Variants in HNRNPK observed in about 807,000 individuals in gnomAD.
The protein encoded by HNRNPK is dC-stretch binding protein.
In HNRNPK, 7 loss-of-function variants were observed where a neutral mutation model predicts 67.0. The ratio of observed to expected loss-of-function variants is 0.10; its 90% CI spans 0.06 to 0.20. The LOEUF (loss-of-function observed/expected upper bound fraction) is 0.20, where lower values mean the gene tolerates loss of function less well. Among genes scored for constraint, HNRNPK ranks in the 10% least tolerant of loss-of-function variants. HNRNPK has a pLI of 1.00. For synonymous variants in HNRNPK, 213 were observed against 193.7 expected, an observed-to-expected ratio of 1.10 and a Z score of -0.83; for missense variants, 264 against 606.5, an observed-to-expected ratio of 0.44 and a Z score of 5.93.
At position 83,972,370 on chromosome 9, in the gene HNRNPK, A is replaced by G. The variant is rs548604172; in HGVS notation, c.646-181T>C. The G allele has an allele frequency of 3.4e-4, 196 of 575,854 alleles. 1 individual carries two copies. Among genetic ancestry groups the G allele is most frequent in the Non-Finnish European group, 5.4e-4 (180 of 330,924 alleles). The allele number at this position is 575,854 out of a possible 1,614,324, so 35.7% of individuals were successfully genotyped here. On this transcript the variant is annotated intron_variant, in intron 10 of 16. Transcript: ENST00000376263. ...AAAGTAAAGATTCCAAAGAAATCCA[A>G]TACTTTTGGCAAATGCTAAACAAAA...
chr9:83,972,002 C>T lies in HNRNPK; in HGVS notation c.833G>A (p.Arg278Lys). ...RGGRPMPPSR[R>K]DYDDMSPRRG... ...ACGAGGGCTCATATCATCATAATCT[C>T]TTCTAGATGGAGGCATGGGACGCCC... Residue 278 changes from arginine to lysine, a missense_variant, in exon 11 of 17, where the codon AGA becomes AAA. Transcript: ENST00000376263. 3 of 1,613,848 alleles carry T rather than the reference C, an allele frequency of 1.9e-6. No individual in the cohort carries two copies. Among genetic ancestry groups the T allele is most frequent in the Non-Finnish European group, 2.5e-6 (3 of 1,179,854 alleles).
At chr9:83,980,362 T>C (rs1000539971), upstream of HNRNPK, 1 of 152,460 alleles carries the variant, frequency 6.6e-6, no homozygotes, top group East Asian at 1.9e-4. Flanking sequence ...CAACCCCGCC[T>C]CCCGCCAGCG....
chr9:83,973,766 G>A (rs1202644191), intron 8 of HNRNPK, 136 bp downstream of exon 8: 2 of 657,060 alleles, frequency 3.0e-6, no homozygotes, highest in East Asian at 2.8e-5. Context: ...TCAACAGTGA[G>A]TTGTAAGACC....
rs1470907928 is a variant in HNRNPK at position 83,978,049 on chromosome 9, G to A, written c.58+146C>T. 4.8e-6 allele frequency: 3 copies of A among 624,706 alleles called. No individual in the cohort carries two copies. The South Asian group carries it at 6.1e-5, about 13-fold the overall frequency. 38.7% of individuals were successfully genotyped at this position (624,706 alleles called of 1,614,324 possible). On this transcript the variant is annotated intron_variant, in intron 3 of 16. Transcript: ENST00000376263. ...AGTTACTTCTACTTCATAAATAAAA[G>A]CTAAGATGTAACTACTGATAATCGC...
intron 5 of HNRNPK, 88 bp from the exon 6 acceptor site, chr9:83,975,593 G>T: frequency 8.4e-7 from 1 of 1,189,962 alleles, no homozygotes; most frequent in South Asian, 1.2e-5. Flanking sequence ...GTTTGGCAAC[G>T]AGCACATTTT....
chr9:83,978,057 G>T (rs775063939), intron 3 of HNRNPK, 138 bp downstream of exon 3: 2 of 636,514 alleles, frequency 3.1e-6, no homozygotes, highest in Non-Finnish European at 2.8e-6. Context: ...AAGCTAAGAT[G>T]TAACTACTGA....
At chr9:83,978,942 G>A (rs887598674) in intron 1 of HNRNPK, among the ~76,000 whole-genome samples, 3 of 152,050 alleles carry the variant, frequency 2.0e-5, no homozygotes, top group African/African-American at 4.8e-5. Flanking sequence ...TCTACCGGAG[G>A]GATAAATCCA....
At chr9:83,976,727 A>G (rs1028462273) in intron 5 of HNRNPK, 2 of 314,168 alleles carry the variant, frequency 6.4e-6, no homozygotes, top group East Asian at 5.1e-5. Flanking sequence ...TCTAATTAAG[A>G]TGTTATCTTG....
At position 83,978,227 on chromosome 9, in the gene HNRNPK, G is replaced by A. The variant is rs1375080813; in HGVS notation, c.26C>T (p.Thr9Ile). 2.5e-6 allele frequency: 4 copies of A among 1,611,560 alleles called. No homozygotes were observed. Among genetic ancestry groups the A allele is most frequent in the Non-Finnish European group, 2.5e-6 (3 of 1,178,546 alleles). Residue 9 changes from threonine to isoleucine, a missense_variant, in exon 3 of 17, where the codon ACC (threonine) becomes ATC (isoleucine). Thr to Ile is a moderately conservative substitution (Grantham distance 89). This residue lies in a region of HNRNPK where 32 missense variants were observed against 45.6 expected (regional missense o/e 0.70). Transcript: ENST00000376263. ...ACCATTGGTTTCAGTGTTAGGGAAG[G>A]TTTCTTCTGGCTGTTCAGTTTCCAT... METEQPEE[T>I]FPNTETNGEF...
Position 83,970,007 on chromosome 9 carries a change from A to G in HNRNPK, c.1361+155T>C, listed in dbSNP as rs1314748051. The G allele has an allele frequency of 1.1e-5, 7 of 660,728 alleles. No homozygotes were observed. In the East Asian group the frequency reaches 1.1e-4, roughly 10 times the overall value. 40.9% of individuals were successfully genotyped at this position (660,728 alleles called of 1,614,324 possible). ...GTCTTCATTTTTAGTAAGAAAGCAG[A>G]AGAAAAATTAAGGCAAACTATTAGA... On this transcript the variant is annotated intron_variant, in intron 16 of 16. Transcript: ENST00000376263.
intron 6 of HNRNPK, 165 bp downstream of exon 6, chr9:83,975,297 G>C: frequency 1.5e-6 from 1 of 649,072 alleles, no homozygotes; most frequent in Non-Finnish European, 2.7e-6. Context: ...GGCAACTCAC[G>C]GTAAAAGTTC....
intron 1 of HNRNPK, among the ~76,000 whole-genome samples, chr9:83,979,729 TC>T (rs1055881402): frequency 3.3e-5 from 2 of 61,322 alleles, no homozygotes; most frequent in African/African-American, 6.8e-5. Context: ...CCCCGCATCC[TC>T]CCCCCACTGC....
intron 6 of HNRNPK, 122 bp downstream of exon 6, chr9:83,975,336 AAGAC>A (rs1411772279): frequency 2.3e-6 from 2 of 880,750 alleles, no homozygotes; most frequent in Non-Finnish European, 3.6e-6. Flanking sequence ...TGGGGAAAAT[AAGAC>A]AGAAACTTGA....
rs1280391026 is a variant in HNRNPK, at chr9:83,977,806, A to G, written c.59-20T>C. ...GTTTACCTAAAAATTAACAGTTCAC[A>G]TTTCAAAGAAAGCAGCGAAGTCTCC... On this transcript the variant is annotated intron_variant, in intron 3 of 16. Transcript: ENST00000376263. 6.8e-7 allele frequency: 1 copy of G among 1,465,490 alleles called. No homozygotes were observed. Among genetic ancestry groups the G allele is most frequent in the Non-Finnish European group, 9.5e-7 (1 of 1,050,508 alleles). 90.8% of individuals were successfully genotyped at this position (1,465,490 alleles called of 1,614,324 possible).
At chr9:83,979,848 G>C (rs1957295864) in intron 1 of HNRNPK, among the ~76,000 whole-genome samples, 1 of 152,178 alleles carries the variant, frequency 6.6e-6, no homozygotes, top group Non-Finnish European at 1.5e-5. Flanking sequence ...AAAGAGAGCG[G>C]CGGCGCGACC....
intron 2 of HNRNPK, 42 bp downstream of exon 2, chr9:83,978,331 T>C (rs1390383951): frequency 2.0e-5 from 26 of 1,271,472 alleles, no homozygotes; most frequent in Non-Finnish European, 2.6e-5. Context: ...AAGCAAGCTG[T>C]AAAAAAAAAA....
rs1430491089 is a variant in HNRNPK at position 83,980,139 on chromosome 9, A to T, written c.-108+14T>A. On this transcript the variant is annotated intron_variant, in intron 1 of 16. Coordinates refer to ENST00000376263, the MANE Select transcript of HNRNPK (RefSeq NM_031263.4). The stretch of plus-strand genomic sequence containing the variant: ...CTCACCTCCACGAGCCGCTCCCCCA[A>T]CCCGGCTCCTCACCGCGCGAGACTG... 1 of 152,172 alleles carries T rather than the reference A, an allele frequency of 6.6e-6. No individual in the cohort carries two copies. Among genetic ancestry groups the T allele is most frequent in the Non-Finnish European group, 1.5e-5 (1 of 68,284 alleles). 9.4% of individuals were successfully genotyped at this position (152,172 alleles called of 1,614,324 possible).
chr9:83,977,749 T>C lies in HNRNPK; in HGVS notation c.96A>G (p.Ala32=), dbSNP rs753670718. The change falls in exon 4 of 17, where the codon GCA becomes GCG. Residue 32 remains alanine (A), a synonymous_variant. Transcript: ENST00000376263. ...CATCAGTGTTTCTAGATCTTTTAAA[T>C]GCTTGTTCCTCTTCCATATCTTCTG... ...RPAEDMEEEQ[A]FKRSRNTDEM... is the part of the protein sequence containing the mutation. The C allele has an allele frequency of 4.3e-6, 7 of 1,609,686 alleles. No homozygotes were observed. In the South Asian group the frequency reaches 7.7e-5, roughly 18 times the overall value.
At chr9:83,978,004 A>T (rs1392208111) in intron 3 of HNRNPK, among the ~76,000 whole-genome samples, 191 bp downstream of exon 3, 1 of 152,230 alleles carries the variant, frequency 6.6e-6, no homozygotes, top group African/African-American at 2.4e-5. Context: ...AATGCAAGAA[A>T]AATTCTTTAT....
Sources: gnomAD v4.1 joint callset for allele counts (sites outside exome capture counted in the v4.1 genomes callset) on GRCh38, gnomAD v4.1.1 for gene constraint, gnomAD v4.1.1 regional missense constraint, MANE v1.5 for transcripts, NCBI Gene and HGNC (gene_info 2026-07-23, HGNC 2026-07-21) for gene names.